The following SPATA16 variants were observed in gnomAD, a reference collection of about 807,000 sequenced individuals.
The protein encoded by SPATA16 is spermatogenesis associated 16.
In SPATA16, 36 loss-of-function variants were observed where a neutral mutation model predicts 63.3. That is an observed-to-expected ratio of 0.57 (90% CI 0.44 to 0.75). SPATA16 has a LOEUF of 0.75. SPATA16 is among the 30% of genes least tolerant of loss of function. SPATA16 has a pLI of 0.00. For synonymous variants in SPATA16, 203 were observed against 216.7 expected, an observed-to-expected ratio of 0.94 and a Z score of 0.56; for missense variants, 646 against 679.3, an observed-to-expected ratio of 0.95 and a Z score of 0.54.
chr3:173,036,950 C>T (rs1261821515), intron 3 of SPATA16, among the ~76,000 whole-genome samples: 1 of 151,912 alleles, frequency 6.6e-6, no homozygotes, highest in Non-Finnish European at 1.5e-5. Context: ...TCTAAGTTGT[C>T]ATTTCTATAT....
intron 2 of SPATA16, among the ~76,000 whole-genome samples, chr3:173,096,577 A>G (rs1312725863): frequency 2.6e-5 from 4 of 152,128 alleles, no homozygotes; most frequent in African/African-American, 9.6e-5. Context: ...TAATACACTA[A>G]CCAGTGTAGA....
intron 6 of SPATA16, among the ~76,000 whole-genome samples, chr3:172,944,654 A>G (rs529919019): frequency 6.6e-6 from 1 of 152,370 alleles, no homozygotes; most frequent in Admixed American, 6.5e-5. Flanking sequence ...ATATTATTTA[A>G]CCTTAGAAAG....
intron 3 of SPATA16, among the ~76,000 whole-genome samples, chr3:173,048,292 A>T (rs1435838298): frequency 6.6e-6 from 1 of 152,072 alleles, no homozygotes; most frequent in Non-Finnish European, 1.5e-5. Flanking sequence ...TTTGCTGCAG[A>T]TTAAAACTGA....
chr3:173,120,044 G>A (rs1395382369), intron 1 of SPATA16, among the ~76,000 whole-genome samples: 6 of 150,914 alleles, frequency 4.0e-5, no homozygotes, highest in Non-Finnish European at 1.5e-5. Context: ...CCAAGATCGT[G>A]TCATTGCACT....
At chr3:173,014,099 A>G (rs1244804018) in intron 4 of SPATA16, among the ~76,000 whole-genome samples, 4 of 152,228 alleles carry the variant, frequency 2.6e-5, no homozygotes, top group Admixed American at 2.6e-4. Flanking sequence ...CCCAAAGGAA[A>G]ACAAACCATT....
chr3:172,942,258 A>G lies in SPATA16; in HGVS notation c.1081+14419T>C, dbSNP rs568730474. Among the ~76,000 whole-genome samples the G allele has an allele frequency of 8.5e-5, 13 of 152,302 alleles. No individual in the cohort carries two copies. In the South Asian group the frequency reaches 1.9e-3, roughly 22 times the overall value. ...TTAAAATAAGCTTACTTATTCAGAC[A>G]GAGATTGACTACATAAATAAGTAAT... On this transcript the variant is annotated intron_variant, in intron 6 of 10. Transcript: ENST00000351008.
intron 4 of SPATA16, among the ~76,000 whole-genome samples, chr3:172,982,686 C>T (rs546004087): frequency 1.1e-4 from 16 of 152,222 alleles, no homozygotes; most frequent in African/African-American, 3.9e-4. Context: ...TATTATTCAT[C>T]AAATAGGTAC....
intron 4 of SPATA16, among the ~76,000 whole-genome samples, chr3:172,996,103 G>A (rs1036250362): frequency 4.6e-5 from 7 of 151,928 alleles, no homozygotes; most frequent in Non-Finnish European, 1.0e-4. Flanking sequence ...TACATAGAAT[G>A]TCTTTCAAAT....
intron 5 of SPATA16, among the ~76,000 whole-genome samples, chr3:172,973,331 G>T (rs935869620): frequency 1.3e-5 from 2 of 151,460 alleles, no homozygotes; most frequent in African/African-American, 4.8e-5. Flanking sequence ...TTCTCAGAGG[G>T]GTCTATAGCT....
chr3:172,994,957 C>G (rs1165509896), intron 4 of SPATA16, among the ~76,000 whole-genome samples: 4 of 152,026 alleles, frequency 2.6e-5, no homozygotes, highest in Non-Finnish European at 4.4e-5. Context: ...GCCTGTAATA[C>G]AGCCAAATGG....
At chr3:172,896,561 C>A (rs961902922) in intron 10 of SPATA16, among the ~76,000 whole-genome samples, 9 of 152,212 alleles carry the variant, frequency 5.9e-5, no homozygotes, top group Non-Finnish European at 4.4e-5. Flanking sequence ...CATTTTACAT[C>A]CCATTAGTAA....
At chr3:173,061,786 T>A (rs148309292) in intron 2 of SPATA16, among the ~76,000 whole-genome samples, 1 of 152,182 alleles carries the variant, frequency 6.6e-6, no homozygotes. Flanking sequence ...TGGTACCTCA[T>A]AGATCTACTA....
chr3:173,042,932 A>G (rs1045802622), intron 3 of SPATA16, among the ~76,000 whole-genome samples: 1 of 152,134 alleles, frequency 6.6e-6, no homozygotes, highest in East Asian at 1.9e-4. Context: ...TCTTATTTTC[A>G]TCTCTAGTAG....
At chr3:173,080,399 C>T (rs763578315) in intron 2 of SPATA16, among the ~76,000 whole-genome samples, 3 of 152,050 alleles carry the variant, frequency 2.0e-5, no homozygotes, top group Non-Finnish European at 4.4e-5. Context: ...GGTGGAGAAA[C>T]CAAGGACAGG....
chr3:173,095,872 C>G (rs1270157533), intron 2 of SPATA16, among the ~76,000 whole-genome samples: 1 of 152,116 alleles, frequency 6.6e-6, no homozygotes, highest in African/African-American at 2.4e-5. Flanking sequence ...TAGCTATTAA[C>G]TTCTATCATA....
intron 5 of SPATA16, among the ~76,000 whole-genome samples, chr3:172,960,601 G>C (rs1733725809): frequency 6.6e-6 from 1 of 152,244 alleles, no homozygotes; most frequent in South Asian, 2.1e-4. Context: ...TGCTACCTTA[G>C]AAATCAACTT....
intron 1 of SPATA16, among the ~76,000 whole-genome samples, chr3:173,125,949 A>G: frequency 6.6e-6 from 1 of 152,226 alleles, no homozygotes; most frequent in East Asian, 1.9e-4. Context: ...GCATCACTTT[A>G]CAAAAGCTGA....
At chr3:172,942,768 C>T (rs76090096) in intron 6 of SPATA16, among the ~76,000 whole-genome samples, 13,279 of 152,016 alleles carry the variant, frequency 0.087, 1,921 homozygotes, top group African/African-American at 0.3. Context: ...ATATTAATGA[C>T]AGTTGACCAT....
At chr3:172,946,420 A>T (rs1417651244) in intron 6 of SPATA16, among the ~76,000 whole-genome samples, 3 of 152,010 alleles carry the variant, frequency 2.0e-5, no homozygotes, top group Non-Finnish European at 2.9e-5. Flanking sequence ...TGGCTACTAG[A>T]CAGTATTTCT....
Sources: allele counts gnomAD v4.1 joint callset (sites outside exome capture counted in the v4.1 genomes callset), GRCh38; gene constraint gnomAD v4.1.1; transcripts MANE v1.5; gene names NCBI Gene and HGNC (gene_info 2026-07-23, HGNC 2026-07-21).